The following COIL variants were observed in gnomAD, a reference collection of about 807,000 sequenced individuals.
COIL encodes coilin p80.
A neutral mutation model predicts 51.6 loss-of-function variants in COIL; 28 were observed. The observed-to-expected ratio is 0.54, with a 90% CI of 0.40 to 0.74. COIL has a LOEUF of 0.74. Ranked by LOEUF, COIL falls within the 30% of genes least tolerant of loss-of-function variation. The pLI, the probability that COIL is intolerant of heterozygous loss-of-function variation, is 0.00. For missense variants in COIL, 667 were observed against 685.9 expected, an observed-to-expected ratio of 0.97 and a Z score of 0.31; for synonymous variants, 233 against 255.8, an observed-to-expected ratio of 0.91 and a Z score of 0.85.
intron 4 of COIL, among the ~76,000 whole-genome samples, chr17:56,949,129 T>C (rs916386304): frequency 2.0e-5 from 3 of 152,106 alleles, no homozygotes; most frequent in Admixed American, 2.0e-4. Context: ...AAAAAATTAA[T>C]ATATTTTTTT....
Position 56,960,836 on chromosome 17 carries a change from C to G in COIL, c.184G>C (p.Glu62Gln). ...SSGAFLGLYL[E>Q]GGLLPPAESA... ...TCGGCGGGGGGCAAGAGCCCCCCCT[C>G]CAGGTAGAGGCCTAGGAAGGCCCCA... The change falls in exon 1 of 7, where the codon GAG (glutamate) becomes CAG (glutamine). Residue 62 changes from glutamate to glutamine, a missense_variant. Glu to Gln is a conservative substitution (Grantham distance 29, BLOSUM62 2). Transcript: ENST00000240316. 1.9e-6 allele frequency: 3 copies of G among 1,605,544 alleles called. No homozygotes were observed. Among genetic ancestry groups the G allele is most frequent in the Non-Finnish European group, 2.5e-6 (3 of 1,176,572 alleles).
chr17:56,954,192 C>T (rs1910437535), intron 1 of COIL, among the ~76,000 whole-genome samples: 1 of 152,072 alleles, frequency 6.6e-6, no homozygotes, highest in Admixed American at 6.5e-5. Context: ...GATGAGAACC[C>T]CTTCCTTTCC....
chr17:56,954,466 C>T (rs748307977), intron 1 of COIL, among the ~76,000 whole-genome samples: 15 of 151,840 alleles, frequency 9.9e-5, no homozygotes, highest in Non-Finnish European at 2.1e-4. Context: ...GAAGCTGAGG[C>T]AGAAGAATCG....
chr17:56,946,856 C>T (rs1216248080), intron 4 of COIL, among the ~76,000 whole-genome samples: 1 of 152,130 alleles, frequency 6.6e-6, no homozygotes, highest in East Asian at 1.9e-4. Context: ...TCACACCAGG[C>T]TGATATATTC....
intron 1 of COIL, among the ~76,000 whole-genome samples, chr17:56,953,268 A>C (rs371277025): frequency 8.6e-5 from 13 of 151,716 alleles, no homozygotes; most frequent in Non-Finnish European, 1.5e-4. Flanking sequence ...AAAATTAGCC[A>C]GGCGTGGTGG....
chr17:56,950,742 T>C lies in COIL; in HGVS notation c.500A>G (p.Lys167Arg), dbSNP rs1227910296. 2 of 1,613,918 alleles carry C rather than the reference T, an allele frequency of 1.2e-6. No individual in the cohort carries two copies. Among genetic ancestry groups the C allele is most frequent in the African/African-American group, 2.7e-5 (2 of 74,900 alleles). ...TVSKKNKRKN[K>R]ATCGTVGDDN... The stretch of plus-strand genomic sequence containing the variant: ...ATCACCCACTGTGCCACAGGTTGCT[T>C]TATTTTTTCTCTTGTTTTTTTTGCT... The change falls in exon 2 of 7, where the codon AAA becomes AGA. Residue 167 changes from lysine to arginine, a missense_variant. Coordinates refer to ENST00000240316, the MANE Select transcript of COIL (RefSeq NM_004645.3).
intron 1 of COIL, chr17:56,952,384 A>G (rs1442461215): frequency 1.2e-5 from 5 of 427,366 alleles, no homozygotes; most frequent in East Asian, 1.2e-4. Flanking sequence ...AGGAAGAAAA[A>G]TCCTGGGATT....
At chr17:56,954,085 C>T (rs1048581432) in intron 1 of COIL, among the ~76,000 whole-genome samples, 1 of 152,110 alleles carries the variant, frequency 6.6e-6, no homozygotes, top group Non-Finnish European at 1.5e-5. Flanking sequence ...CCAAATAGGA[C>T]CAAACTTTCT....
intron 1 of COIL, among the ~76,000 whole-genome samples, chr17:56,954,759 A>G (rs1230484842): frequency 2.0e-5 from 3 of 152,028 alleles, no homozygotes; most frequent in African/African-American, 7.2e-5. Flanking sequence ...ACTTGAACCC[A>G]GGAGTTCAAA....
At chr17:56,953,553 A>G (rs1910422811) in intron 1 of COIL, among the ~76,000 whole-genome samples, 1 of 152,180 alleles carries the variant, frequency 6.6e-6, no homozygotes, top group African/African-American at 2.4e-5. Context: ...TGCTGAAAAC[A>G]CACATTATAC....
rs1910444922 is a variant in COIL at position 56,954,423 on chromosome 17, T to C, written c.246-3427A>G. ...TAAAAATACAAAAATTAGCTGGGCA[T>C]GGTGGCATGCGCCTGTAGTCCCAGC... On this transcript the variant is annotated intron_variant, in intron 1 of 6. Coordinates refer to ENST00000240316, the MANE Select transcript of COIL (RefSeq NM_004645.3). Among the ~76,000 whole-genome samples the C allele has an allele frequency of 1.3e-5, 2 of 152,202 alleles. 1 individual carries two copies. Among genetic ancestry groups the C allele is most frequent in the African/African-American group, 4.8e-5 (2 of 41,512 alleles).
intron 1 of COIL, among the ~76,000 whole-genome samples, chr17:56,959,436 C>T (rs1197315368): frequency 6.6e-6 from 1 of 152,186 alleles, no homozygotes; most frequent in African/African-American, 2.4e-5. Context: ...TGTGGCAACT[C>T]AACCACATTT....
intron 1 of COIL, among the ~76,000 whole-genome samples, chr17:56,954,429 C>T (rs990483100): frequency 6.6e-6 from 1 of 152,110 alleles, no homozygotes; most frequent in African/African-American, 2.4e-5. Context: ...GGCATGGTGG[C>T]ATGCGCCTGT....
At chr17:56,956,120 G>A (rs1173091949) in intron 1 of COIL, among the ~76,000 whole-genome samples, 1 of 152,112 alleles carries the variant, frequency 6.6e-6, no homozygotes, top group Non-Finnish European at 1.5e-5. Context: ...ACTTAACCAA[G>A]GATACTTCTG....
chr17:56,956,323 C>A (rs1001019814), intron 1 of COIL, among the ~76,000 whole-genome samples: 3 of 152,180 alleles, frequency 2.0e-5, no homozygotes, highest in Non-Finnish European at 4.4e-5. Flanking sequence ...ACTGCAGCCT[C>A]AACTTCTGAG....
At chr17:56,954,048 A>C (rs1910434899) in intron 1 of COIL, among the ~76,000 whole-genome samples, 1 of 152,160 alleles carries the variant, frequency 6.6e-6, no homozygotes, top group Non-Finnish European at 1.5e-5. Context: ...ACTTGTAGCA[A>C]TGATCCAAGC....
intron 1 of COIL, among the ~76,000 whole-genome samples, chr17:56,954,022 T>C (rs927617038): frequency 4.6e-5 from 7 of 152,200 alleles, no homozygotes; most frequent in Non-Finnish European, 4.4e-5. Flanking sequence ...TTGACATTTC[T>C]GATCAATTTG....
intron 1 of COIL, among the ~76,000 whole-genome samples, chr17:56,958,564 T>A (rs886902784): frequency 6.6e-6 from 1 of 152,256 alleles, no homozygotes; most frequent in Non-Finnish European, 1.5e-5. Context: ...TTATTACTTA[T>A]AACAGTTTTC....
intron 1 of COIL, among the ~76,000 whole-genome samples, chr17:56,956,462 C>G (rs1308900968): frequency 2.6e-5 from 4 of 152,016 alleles, no homozygotes; most frequent in African/African-American, 4.8e-5. Context: ...CCCTGTGTTG[C>G]CCAGGCTGCT....
Sources: gnomAD v4.1 joint callset for allele counts (sites outside exome capture counted in the v4.1 genomes callset) on GRCh38, gnomAD v4.1.1 for gene constraint, MANE v1.5 for transcripts, NCBI Gene and HGNC (gene_info 2026-07-23, HGNC 2026-07-21) for gene names.